GLRA1: variants seen among roughly 807,000 people sequenced by gnomAD.
GLRA1 encodes the protein glycine receptor subunit alpha-1.
A neutral mutation model predicts 48.3 loss-of-function variants in GLRA1; 37 were observed. The ratio of observed to expected loss-of-function variants is 0.77; its 90% confidence interval spans 0.59 to 1.01. The LOEUF (loss-of-function observed/expected upper bound fraction) is 1.01, where lower values mean the gene tolerates loss of function less well. Among genes scored for constraint, GLRA1 ranks in the 50% least tolerant of loss-of-function variants. The pLI, the probability that GLRA1 is intolerant of heterozygous loss-of-function variation, is 0.00. For missense variants in GLRA1, 427 were observed against 571.0 expected (o/e 0.75, Z 2.57); for synonymous variants, 196 against 210.7 (o/e 0.93, Z 0.60).
intron 3 of GLRA1, among the ~76,000 whole-genome samples, chr5:151,875,179 T>TAA (rs11426952): frequency 4.8e-5 from 7 of 147,352 alleles, no homozygotes; most frequent in African/African-American, 1.7e-4. Context: ...ATAAAGGGCT[T>TAA]AAAAAAAAAA....
Position 151,822,591 on chromosome 5 carries a change from C to T in GLRA1, c.*82G>A. On this transcript the variant is annotated 3_prime_UTR_variant, in exon 9 of 9. Transcript: ENST00000274576. Reference sequence around the variant, plus strand: ...TGTAAGTGTGCCCCCTCCCTCCGTTCCCCTTCTCTTCCTTAGTCTCTCAGA... The same window carrying T: ...TGTAAGTGTGCCCCCTCCCTCCGTTTCCCTTCTCTTCCTTAGTCTCTCAGA... 1 of 971,860 alleles carries T rather than the reference C, an allele frequency of 1.0e-6. No individual in the cohort carries two copies. The highest frequency in any genetic ancestry group is 2.4e-5 in the East Asian group (1 of 41,800). The allele number at this position is 971,860 out of a possible 1,614,324, so 60.2% of individuals were successfully genotyped here. A position where few individuals can be genotyped will look rare whatever the true frequency, so the allele number is the denominator to read the frequency against.
In GLRA1 at chr5:151,822,592, C is replaced by A; in HGVS notation, c.*81G>T. On this transcript the variant is annotated 3_prime_UTR_variant, in exon 9 of 9. Coordinates refer to ENST00000274576, the MANE Select transcript of GLRA1 (RefSeq NM_000171.4). ...GTAAGTGTGCCCCCTCCCTCCGTTCCCCTTCTCTTCCTTAGTCTCTCAGAT... is the reference window on the plus strand; with the variant it reads ...GTAAGTGTGCCCCCTCCCTCCGTTCACCTTCTCTTCCTTAGTCTCTCAGAT... 1.0e-6 allele frequency: 1 copy of A among 988,218 alleles called. No individual in the cohort carries two copies. Among genetic ancestry groups the A allele is most frequent in the Non-Finnish European group, 1.6e-6 (1 of 612,244 alleles). The allele number at this position is 988,218 out of a possible 1,614,324, so 61.2% of individuals were successfully genotyped here.
intron 7 of GLRA1, among the ~76,000 whole-genome samples, chr5:151,838,029 G>A (rs1032026345): frequency 6.6e-6 from 1 of 152,164 alleles, no homozygotes. Flanking sequence ...AGGGAGAAAA[G>A]TAGTCAAAAG....
chr5:151,848,913 A>G, intron 7 of GLRA1: 1 of 689,856 alleles, frequency 1.4e-6, no homozygotes, highest in Admixed American at 1.8e-5. Context: ...TCCCACTTAA[A>G]CAAAGGTATT....
At chr5:151,868,460 A>G (rs1367924301) in intron 3 of GLRA1, among the ~76,000 whole-genome samples, 1 of 152,220 alleles carries the variant, frequency 6.6e-6, no homozygotes, top group Non-Finnish European at 1.5e-5. Context: ...TTGCAGGGAA[A>G]TCAAGGTACA....
chr5:151,918,934 C>A (rs1009290479), intron 1 of GLRA1, among the ~76,000 whole-genome samples: 1 of 152,146 alleles, frequency 6.6e-6, no homozygotes, highest in African/African-American at 2.4e-5. Flanking sequence ...TGATTCTTCT[C>A]TTGGAGCTAT....
At chr5:151,924,302 C>A (rs1754951514) in intron 1 of GLRA1, among the ~76,000 whole-genome samples, 192 bp downstream of exon 1, 1 of 121,222 alleles carries the variant, frequency 8.2e-6, no homozygotes, top group Non-Finnish European at 1.8e-5. Flanking sequence ...AGCCAGACAC[C>A]CTGCGGGCGG....
intron 6 of GLRA1, among the ~76,000 whole-genome samples, chr5:151,854,706 T>C (rs1015248051): frequency 6.6e-6 from 1 of 152,248 alleles, no homozygotes; most frequent in African/African-American, 2.4e-5. Context: ...TTTTGCTCTA[T>C]TGGAAATGCC....
chr5:151,857,588 T>G (rs1025391176), intron 4 of GLRA1, among the ~76,000 whole-genome samples: 1 of 152,202 alleles, frequency 6.6e-6, no homozygotes, highest in Non-Finnish European at 1.5e-5. Flanking sequence ...CCCTCTGCCT[T>G]CTGGGTGTCC....
At chr5:151,837,158 A>G (rs1299147609) in intron 7 of GLRA1, among the ~76,000 whole-genome samples, 1 of 152,276 alleles carries the variant, frequency 6.6e-6, no homozygotes, top group African/African-American at 2.4e-5. Flanking sequence ...AAAGGATATG[A>G]ACAGACACTT....
chr5:151,895,257 A>G (rs529159822), intron 1 of GLRA1, among the ~76,000 whole-genome samples: 24 of 152,146 alleles, frequency 1.6e-4, no homozygotes, highest in African/African-American at 5.8e-4. Flanking sequence ...TATATGTGAG[A>G]TGTGTGTGTA....
intron 3 of GLRA1, among the ~76,000 whole-genome samples, chr5:151,877,838 G>A (rs2913891): frequency 1 from 152,358 of 152,362 alleles, 76,177 homozygotes; most frequent in Non-Finnish European, 1. Flanking sequence ...TCCAATAAAG[G>A]TCTTTCTTTT....
chr5:151,877,228 A>G (rs1168847189), intron 3 of GLRA1, among the ~76,000 whole-genome samples: 1 of 152,194 alleles, frequency 6.6e-6, no homozygotes, highest in Non-Finnish European at 1.5e-5. Flanking sequence ...CGGAAATGCA[A>G]TGCTGAGCTA....
chr5:151,882,739 G>A (rs574174707), intron 3 of GLRA1, among the ~76,000 whole-genome samples: 1 of 147,616 alleles, frequency 6.8e-6, no homozygotes, highest in African/African-American at 2.5e-5. Flanking sequence ...TTTTTTTTTA[G>A]ATCTGAGAGT....
At chr5:151,828,068 TA>T (rs974570491) in intron 8 of GLRA1, among the ~76,000 whole-genome samples, 10 of 152,156 alleles carry the variant, frequency 6.6e-5, no homozygotes, top group African/African-American at 1.9e-4. Context: ...AGATCGGCTT[TA>T]AAAAAATCAC....
intron 1 of GLRA1, among the ~76,000 whole-genome samples, chr5:151,916,674 G>A (rs1044961857): frequency 2.6e-5 from 4 of 152,242 alleles, no homozygotes; most frequent in Admixed American, 2.0e-4. Flanking sequence ...GATTATCTTT[G>A]GAGAAAGAAA....
At chr5:151,884,661 A>G (rs550208832) in intron 3 of GLRA1, among the ~76,000 whole-genome samples, 6 of 152,266 alleles carry the variant, frequency 3.9e-5, no homozygotes, top group Non-Finnish European at 7.4e-5. Context: ...TTTTTTAGGA[A>G]TCTGTATGAA....
chr5:151,908,673 T>C (rs1423790143), intron 1 of GLRA1, among the ~76,000 whole-genome samples: 3 of 152,174 alleles, frequency 2.0e-5, no homozygotes, highest in African/African-American at 7.2e-5. Flanking sequence ...TTTTAAATTG[T>C]TCATTTTATT....
At position 151,828,947 on chromosome 5, in the gene GLRA1, A is replaced by G. The variant is rs1049545628; in HGVS notation, c.1033T>C (p.Phe345Leu). 6.2e-7 allele frequency: 1 copy of G among 1,614,034 alleles called. No homozygotes were observed. The highest frequency in any genetic ancestry group is 1.3e-5 in the African/African-American group (1 of 75,056). ...TTGTGATGTCTCCGCTTCCTCCTGA[A>G]TCGGAGCAGCTCCTTATGTTGCCGA... ...VSRQHKELLRFRRKRRHHKED... is the reference protein window; with the variant it reads ...VSRQHKELLRLRRKRRHHKED... The change falls in exon 8 of 9, where the codon TTC (phenylalanine) becomes CTC (leucine). Residue 345 changes from phenylalanine (F) to leucine (L), a missense_variant. Phe to Leu is a conservative substitution (Grantham distance 22, BLOSUM62 0). This residue lies in a region of GLRA1 where 271 missense variants were observed against 434.9 expected (regional missense o/e 0.62). Transcript: ENST00000274576.
Sources: gnomAD v4.1 joint callset for allele counts (sites outside exome capture counted in the v4.1 genomes callset) on GRCh38, gnomAD v4.1.1 for gene constraint, gnomAD v4.1.1 regional missense constraint, MANE v1.5 for transcripts, NCBI Gene and HGNC (gene_info 2026-07-23, HGNC 2026-07-21) for gene names.